STAU1: variants seen among roughly 807,000 people sequenced by gnomAD.
STAU1 encodes the protein staufen double-stranded RNA binding protein 1.
A neutral mutation model predicts 62.9 loss-of-function variants in STAU1; 13 were observed. The observed-to-expected ratio is 0.21, with a 90% CI of 0.13 to 0.33. The LOEUF is 0.33. Among genes scored for constraint, STAU1 ranks in the 10% least tolerant of loss-of-function variants. The pLI, the probability that STAU1 is intolerant of heterozygous loss-of-function variation, is 1.00. For synonymous variants in STAU1, 269 were observed against 265.1 expected, an observed-to-expected ratio of 1.01 and a Z score of -0.14; for missense variants, 571 against 712.1, an observed-to-expected ratio of 0.80 and a Z score of 2.25.
intron 8 of STAU1, among the ~76,000 whole-genome samples, chr20:49,121,697 C>A (rs1393022547): frequency 6.6e-6 from 1 of 152,182 alleles, no homozygotes; most frequent in Non-Finnish European, 1.5e-5. Context: ...TTATAACACA[C>A]ATCCTTTGTG....
chr20:49,141,414 C>T (rs1002194388), intron 5 of STAU1, among the ~76,000 whole-genome samples: 9 of 152,114 alleles, frequency 5.9e-5, no homozygotes, highest in African/African-American at 2.2e-4. Context: ...CAAAGTGAGA[C>T]CTTAATCTCT....
chr20:49,190,508 T>C (rs2093829887), upstream of STAU1, among the ~76,000 whole-genome samples: 1 of 152,172 alleles, frequency 6.6e-6, no homozygotes, highest in African/African-American at 2.4e-5. Context: ...CTTACTAAGT[T>C]ACTAAGTTGA....
intron 1 of STAU1, among the ~76,000 whole-genome samples, chr20:49,182,895 A>G (rs1477047207): frequency 6.6e-6 from 1 of 152,188 alleles, no homozygotes; most frequent in Non-Finnish European, 1.5e-5. Flanking sequence ...GGGAGGCAAA[A>G]ATAGAAAGTA....
chr20:49,170,785 GAAAAA>G (rs34699924), intron 2 of STAU1, among the ~76,000 whole-genome samples: 3 of 135,768 alleles, frequency 2.2e-5, no homozygotes, highest in Non-Finnish European at 4.7e-5. Context: ...ATGTGTCTGG[GAAAAA>G]AAAAAAAAAA....
rs1280684199 is a variant in STAU1 at position 49,123,193 on chromosome 20, T to C, written c.865A>G (p.Ser289Gly). The C allele has an allele frequency of 1.2e-6, 2 of 1,614,038 alleles. No individual in the cohort carries two copies. Among genetic ancestry groups the C allele is most frequent in the Admixed American group, 1.7e-5 (1 of 60,002 alleles). The change falls in exon 8 of 14, where the codon AGC becomes GGC. Residue 289 changes from serine (S) to glycine (G), a missense_variant. Physicochemically the swap from Ser to Gly is moderately conservative, Grantham distance 56. Transcript: ENST00000371856. The stretch of plus-strand genomic sequence containing the variant: ...GCCTGCTGGATCTGGGCCAGTCGGC[T>C]AATCGGATTGATCCCCTGGCCATAT... Reference protein sequence around the residue: ...PEYGQGINPISRLAQIQQAKK... With the variant: ...PEYGQGINPIGRLAQIQQAKK...
At chr20:49,201,819 G>T in the STAU1 span, among the ~76,000 whole-genome samples, 1 of 151,520 alleles carries the variant, frequency 6.6e-6, no homozygotes, top group Admixed American at 6.6e-5. Flanking sequence ...TTACATGTCA[G>T]AAATTTGGAG....
At chr20:49,166,341 T>C (rs1300217801) in intron 2 of STAU1, 56 bp from the exon 3 acceptor site, 2 of 694,080 alleles carry the variant, frequency 2.9e-6, no homozygotes, top group Non-Finnish European at 4.8e-6. Context: ...AGATATGTAA[T>C]TGCCAATATT....
chr20:49,200,336 C>G, the STAU1 span, among the ~76,000 whole-genome samples: 31,988 of 152,016 alleles, frequency 0.21, 3,457 homozygotes, highest in Non-Finnish European at 0.24. Flanking sequence ...CGGTGGCTCA[C>G]GCCTGTAATC....
intron 6 of STAU1, among the ~76,000 whole-genome samples, chr20:49,131,056 G>T (rs926764266): frequency 6.6e-6 from 1 of 152,100 alleles, no homozygotes; most frequent in East Asian, 1.9e-4. Context: ...CTCTGAGAAG[G>T]ATCAATATCA....
intron 4 of STAU1, among the ~76,000 whole-genome samples, chr20:49,153,710 C>CAAAAAAAA (rs145558067): frequency 2.0e-3 from 134 of 67,582 alleles, no homozygotes; most frequent in African/African-American, 3.0e-3. Context: ...GACTCTGTCT[C>CAAAAAAAA]AAAAAAAAAA....
the STAU1 span, among the ~76,000 whole-genome samples, chr20:49,194,429 C>CAAAAA: frequency 1.9e-4 from 15 of 80,966 alleles, no homozygotes; most frequent in East Asian, 3.9e-4. Context: ...AACTCCGTCT[C>CAAAAA]AAAAAAAAAA....
chr20:49,176,243 A>C (rs1235604140), intron 1 of STAU1, among the ~76,000 whole-genome samples: 4 of 152,226 alleles, frequency 2.6e-5, no homozygotes, highest in African/African-American at 9.7e-5. Context: ...AATTTTATGG[A>C]AAATTTTACC....
chr20:49,150,572 A>G, intron 5 of STAU1, among the ~76,000 whole-genome samples: 1 of 152,180 alleles, frequency 6.6e-6, no homozygotes, highest in East Asian at 1.9e-4. Context: ...CATCTTAGCC[A>G]GGATGGTCTC....
the STAU1 span, among the ~76,000 whole-genome samples, chr20:49,196,055 C>T: frequency 7.2e-6 from 1 of 138,078 alleles, no homozygotes; most frequent in Non-Finnish European, 1.5e-5. Context: ...CCCAAGGAGG[C>T]GGAGGTTGCA....
At chr20:49,165,406 T>G (rs568423888) in intron 3 of STAU1, among the ~76,000 whole-genome samples, 1 of 152,156 alleles carries the variant, frequency 6.6e-6, no homozygotes, top group South Asian at 2.1e-4. Flanking sequence ...TGGCACAGTC[T>G]CAGCTCACTG....
At chr20:49,202,719 C>T in the STAU1 span, among the ~76,000 whole-genome samples, 6 of 151,376 alleles carry the variant, frequency 4.0e-5, no homozygotes, top group Non-Finnish European at 1.5e-5. Context: ...GAAACCATGT[C>T]TCTACAAAAA....
chr20:49,205,985 C>CTTTTTT, the STAU1 span, among the ~76,000 whole-genome samples: 1 of 122,062 alleles, frequency 8.2e-6, no homozygotes, highest in Non-Finnish European at 1.7e-5. Context: ...ATTTTCTTTT[C>CTTTTTT]TTTTTTTTTT....
At chr20:49,126,365 C>T (rs1196996999) in intron 6 of STAU1, among the ~76,000 whole-genome samples, 2 of 151,350 alleles carry the variant, frequency 1.3e-5, no homozygotes, top group Non-Finnish European at 2.9e-5. Flanking sequence ...AGTTCAAGAC[C>T]AGCCTGGCCA....
intron 6 of STAU1, among the ~76,000 whole-genome samples, chr20:49,132,674 G>T (rs2092776476): frequency 6.6e-6 from 1 of 152,130 alleles, no homozygotes; most frequent in African/African-American, 2.4e-5. Flanking sequence ...CAGGAGAATT[G>T]CTTGAAGCCA....
Sources: allele counts gnomAD v4.1 joint callset (sites outside exome capture counted in the v4.1 genomes callset), GRCh38; gene constraint gnomAD v4.1.1; transcripts MANE v1.5; gene names NCBI Gene and HGNC (gene_info 2026-07-23, HGNC 2026-07-21).